The following TNRC6A variants were observed in gnomAD, a reference collection of about 807,000 sequenced individuals.
TNRC6A encodes the protein trinucleotide repeat-containing gene 6A protein.
In TNRC6A, 44 loss-of-function variants were observed where a neutral mutation model predicts 221.2. The observed-to-expected ratio is 0.20, with a 90% CI of 0.16 to 0.26. TNRC6A has a LOEUF of 0.26. TNRC6A is among the 10% of genes least tolerant of loss of function. TNRC6A has a pLI of 1.00. For missense variants in TNRC6A, 2,199 were observed against 2,404.4 expected (o/e 0.91, Z 1.79); for synonymous variants, 847 against 838.5 (o/e 1.01, Z -0.18).
At chr16:24,771,582 T>TTATGTTGTGATGTGA in intron 4 of TNRC6A, among the ~76,000 whole-genome samples, 1 of 95,480 alleles carries the variant, frequency 1.0e-5, no homozygotes, top group African/African-American at 4.4e-5. Flanking sequence ...TTATGTTATG[T>TTATGTTGTGATGTGA]TGTTATGTTA....
intron 2 of TNRC6A, among the ~76,000 whole-genome samples, chr16:24,651,358 G>A (rs1049347594): frequency 6.6e-6 from 1 of 151,610 alleles, no homozygotes; most frequent in Admixed American, 6.6e-5. Flanking sequence ...GACCAACATG[G>A]AGAAACCCTG....
At chr16:24,727,519 C>T (rs1383040134), upstream of TNRC6A, among the ~76,000 whole-genome samples, 1 of 151,970 alleles carries the variant, frequency 6.6e-6, no homozygotes, top group Non-Finnish European at 1.5e-5. Flanking sequence ...GTGTGACAAC[C>T]AAAAAGTTCA....
chr16:24,625,154 A>G (rs1487406689), intron 1 of TNRC6A, among the ~76,000 whole-genome samples: 6 of 152,170 alleles, frequency 3.9e-5, no homozygotes, highest in Non-Finnish European at 8.8e-5. Flanking sequence ...AAAAACTTGA[A>G]CCCCTCATTT....
rs1217464417 is a variant in TNRC6A at position 24,664,357 on chromosome 16, TAAC to T, written n.402+23351_402+23353del. Among the ~76,000 whole-genome samples, 11 of 148,056 alleles carry T rather than the reference TAAC, an allele frequency of 7.4e-5. No homozygotes were observed. In the South Asian group the frequency reaches 1.9e-3, roughly 25 times the overall value. The stretch of plus-strand genomic sequence containing the variant: ...AATAAAATTCCAAATAATAAATAAA[TAAC>T]AATATTTATTATGTATTATTAATTT... On this transcript the variant is annotated intron_variant and non_coding_transcript_variant, in intron 2 of 2. Transcript: ENST00000566108.
intron 1 of TNRC6A, among the ~76,000 whole-genome samples, chr16:24,637,747 G>T (rs568075502): frequency 1.3e-5 from 2 of 152,046 alleles, no homozygotes; most frequent in African/African-American, 4.8e-5. Context: ...AGCAAGGCAC[G>T]TAGAGTACAT....
chr16:24,610,856 G>C (rs764109177), intron 1 of TNRC6A, among the ~76,000 whole-genome samples: 3 of 152,086 alleles, frequency 2.0e-5, no homozygotes, highest in Admixed American at 1.3e-4. Flanking sequence ...CGTCGCCCAG[G>C]CTGGAGTGCA....
chr16:24,804,945 T>A, intron 13 of TNRC6A, 69 bp from the exon 14 acceptor site: 1 of 1,613,964 alleles, frequency 6.2e-7, no homozygotes, highest in Admixed American at 1.7e-5. Context: ...TAAATCATAG[T>A]ACAGTGTGGT....
chr16:24,793,897 T>C (rs2058164117), intron 7 of TNRC6A, among the ~76,000 whole-genome samples: 1 of 152,230 alleles, frequency 6.6e-6, no homozygotes, highest in Admixed American at 6.5e-5. Context: ...CAAATCTAAA[T>C]TATATTTTAC....
At chr16:24,764,362 T>C (rs2057427515) in intron 4 of TNRC6A, among the ~76,000 whole-genome samples, 1 of 151,696 alleles carries the variant, frequency 6.6e-6, no homozygotes. Context: ...AGTCTTGCTC[T>C]GTCGCCCAGG....
intron 2 of TNRC6A, among the ~76,000 whole-genome samples, chr16:24,666,527 C>A (rs2055165657): frequency 6.8e-6 from 1 of 146,096 alleles, no homozygotes; most frequent in Non-Finnish European, 1.5e-5. Context: ...GTGGTCCCAG[C>A]TACTCAGGAG....
chr16:24,651,186 A>C (rs1432481962), intron 2 of TNRC6A, among the ~76,000 whole-genome samples: 4 of 84,530 alleles, frequency 4.7e-5, no homozygotes, highest in South Asian at 3.9e-4. Context: ...GGGTATGGCA[A>C]AAAAAAAAAA....
intron 2 of TNRC6A, chr16:24,663,926 T>C (rs2055089371): frequency 4.4e-6 from 2 of 456,566 alleles, no homozygotes; most frequent in East Asian, 6.9e-5. Flanking sequence ...TTAGCAGTTA[T>C]CCTGCAGGAA....
chr16:24,805,257 T>G, intron 14 of TNRC6A, 106 bp downstream of exon 14: 1 of 1,439,558 alleles, frequency 6.9e-7, no homozygotes, highest in Non-Finnish European at 9.5e-7. Context: ...TTTATTGGCA[T>G]CTTTGAGATT....
intron 18 of TNRC6A, among the ~76,000 whole-genome samples, chr16:24,814,630 G>T (rs1164769868): frequency 1.3e-5 from 2 of 151,840 alleles, no homozygotes; most frequent in Non-Finnish European, 2.9e-5. Flanking sequence ...GGCCAGGTTG[G>T]TCTCGATCTC....
intron 2 of TNRC6A, among the ~76,000 whole-genome samples, chr16:24,671,957 C>T (rs2055311452): frequency 6.6e-6 from 1 of 152,082 alleles, no homozygotes; most frequent in African/African-American, 2.4e-5. Context: ...ACATTGGATC[C>T]TGACCAGAAA....
chr16:24,791,845 CT>C, intron 6 of TNRC6A, 28 bp downstream of exon 6: 2 of 1,472,792 alleles, frequency 1.4e-6, no homozygotes, highest in Non-Finnish European at 1.8e-6. Context: ...GAAATCAAGC[CT>C]TGTTTTAACT....
rs956289964 is a variant in TNRC6A, at chr16:24,747,977, A to C, written c.54-2749A>C. On this transcript the variant is annotated intron_variant, in intron 2 of 24. Coordinates refer to ENST00000395799, the MANE Select transcript of TNRC6A (RefSeq NM_014494.4). ...ACATGTCTGTAATTCACAGCAGAAC[A>C]TGAAGAACAAATGCTGAAGGTGCTA... 2.6e-5 allele frequency among the ~76,000 whole-genome samples: 4 copies of C among 152,342 alleles called. No individual in the cohort carries two copies. In the East Asian group the frequency reaches 7.7e-4, roughly 29 times the overall value.
At chr16:24,673,834 A>G (rs989785797) in intron 2 of TNRC6A, among the ~76,000 whole-genome samples, 1 of 152,324 alleles carries the variant, frequency 6.6e-6, no homozygotes, top group African/African-American at 2.4e-5. Flanking sequence ...CTGGGATTAC[A>G]GGCATAAGCC....
intron 2 of TNRC6A, among the ~76,000 whole-genome samples, chr16:24,747,621 G>A (rs1311203489): frequency 6.6e-6 from 1 of 152,084 alleles, no homozygotes; most frequent in Non-Finnish European, 1.5e-5. Context: ...TGACGTGTTT[G>A]GGCACAGGTG....
Sources: allele counts gnomAD v4.1 joint callset (sites outside exome capture counted in the v4.1 genomes callset), GRCh38; gene constraint gnomAD v4.1.1; transcripts MANE v1.5; gene names NCBI Gene and HGNC (gene_info 2026-07-23, HGNC 2026-07-21).